The following BAZ1A variants were observed in gnomAD, a reference collection of about 807,000 sequenced individuals.
The protein encoded by BAZ1A is bromodomain adjacent to zinc finger domain 1A.
Under a neutral mutation model 185.2 loss-of-function variants are expected in BAZ1A, and 50 were observed. The ratio of observed to expected loss-of-function variants is 0.27; its 90% CI spans 0.22 to 0.34. The LOEUF is 0.34. Among genes scored for constraint, BAZ1A ranks in the 10% least tolerant of loss-of-function variants. BAZ1A has a pLI of 1.00. For synonymous variants in BAZ1A, 571 were observed against 615.6 expected, an observed-to-expected ratio of 0.93 and a Z score of 1.07; for missense variants, 1,356 against 1,839.9, an observed-to-expected ratio of 0.74 and a Z score of 4.81.
rs757341462 is a variant in BAZ1A, at chr14:34,826,081, C to A, written c.468G>T (p.Val156=). The change falls in exon 4 of 27, where the codon GTG becomes GTT. Residue 156 remains valine (V), a synonymous_variant. Coordinates refer to ENST00000360310, the MANE Select transcript of BAZ1A (RefSeq NM_013448.3). The part of the protein sequence containing the change: ...NGFANGHVNS[V]DGETIIISDS... Reference sequence around the variant, plus strand: ...CACTGATGATAATAGTTTCTCCATCCACACTGTTAACATGTCCATTAGCAA... The same window carrying A: ...CACTGATGATAATAGTTTCTCCATCAACACTGTTAACATGTCCATTAGCAA... The A allele has an allele frequency of 6.2e-7, 1 of 1,611,558 alleles. No homozygotes were observed.
intron 14 of BAZ1A, among the ~76,000 whole-genome samples, chr14:34,784,486 G>A (rs1275471690): frequency 2.0e-5 from 3 of 147,322 alleles, no homozygotes; most frequent in South Asian, 2.2e-4. Flanking sequence ...GAGAAATTTT[G>A]TAATTACAAA....
chr14:34,874,565 G>A lies in BAZ1A; in HGVS notation c.40C>T (p.Pro14Ser), dbSNP rs201149793. ...TCGTCGGGCCGCAGGTCCGCGGGCGGCTTCTGTCTCACAAACGGCTTTCGG... is the reference window on the plus strand; with the variant it reads ...TCGTCGGGCCGCAGGTCCGCGGGCGACTTCTGTCTCACAAACGGCTTTCGG... ...LHRKPFVRQK[P>S]PADLRPDEEV... is the part of the protein sequence containing the mutation. Residue 14 changes from proline (P) to serine (S), a missense_variant, in exon 2 of 27, where the codon CCG becomes TCG. Physicochemically the swap from Pro to Ser is moderately conservative, Grantham distance 74. Transcript: ENST00000360310. This position sits in a 1 kb window ranked among gnomAD's most constrained non-coding sequence, Gnocchi z 4.7. 1 of 1,611,610 alleles carries A rather than the reference G, an allele frequency of 6.2e-7. No individual in the cohort carries two copies. Among genetic ancestry groups the A allele is most frequent in the Non-Finnish European group, 8.5e-7 (1 of 1,179,036 alleles).
At chr14:34,804,520 G>A (rs1329134882) in intron 6 of BAZ1A, among the ~76,000 whole-genome samples, 1 of 152,198 alleles carries the variant, frequency 6.6e-6, no homozygotes, top group Non-Finnish European at 1.5e-5. Context: ...TTTGTAGGTA[G>A]AGCACAGCTT....
chr14:34,773,815 T>A, intron 19 of BAZ1A, 89 bp from the exon 20 acceptor site: 1 of 1,269,948 alleles, frequency 7.9e-7, no homozygotes, highest in Non-Finnish European at 1.1e-6. Context: ...TAAAATCAAT[T>A]CATGGATATT....
At chr14:34,803,623 T>TGAGA (rs1289333177) in intron 6 of BAZ1A, among the ~76,000 whole-genome samples, 2 of 68,026 alleles carry the variant, frequency 2.9e-5, no homozygotes, top group Non-Finnish European at 5.5e-5. Context: ...ACAAATTTTG[T>TGAGA]GAGATTTTCT....
intron 2 of BAZ1A, among the ~76,000 whole-genome samples, chr14:34,865,068 G>A (rs531768887): frequency 9.2e-5 from 14 of 151,912 alleles, no homozygotes; most frequent in Non-Finnish European, 1.5e-4. Context: ...GAGCCACCAC[G>A]CCCAGCCAAT....
chr14:34,863,580 A>C (rs2138824307), intron 2 of BAZ1A, among the ~76,000 whole-genome samples: 1 of 152,292 alleles, frequency 6.6e-6, no homozygotes, highest in South Asian at 2.1e-4. Context: ...TGCTGGGATT[A>C]CAGGCGTGAG....
At chr14:34,780,453 A>C in intron 16 of BAZ1A, 143 bp from the exon 17 acceptor site, 1 of 726,866 alleles carries the variant, frequency 1.4e-6, no homozygotes, top group Non-Finnish European at 2.1e-6. Flanking sequence ...CTTGCAGAGA[A>C]AACAGATAAT....
At chr14:34,797,839 A>AAAGCAGGGCGGGCCG (rs899823517) in intron 9 of BAZ1A, among the ~76,000 whole-genome samples, 8 of 152,124 alleles carry the variant, frequency 5.3e-5, no homozygotes, top group South Asian at 2.1e-4. Flanking sequence ...AGGGCGAGCC[A>AAAGCAGGGCGGGCCG]AAGCAGGGCG....
intron 2 of BAZ1A, among the ~76,000 whole-genome samples, chr14:34,868,346 T>C (rs1459063716): frequency 6.6e-6 from 1 of 152,230 alleles, no homozygotes; most frequent in East Asian, 1.9e-4. Flanking sequence ...GAAAAGTTGC[T>C]GAGTTACAAG....
At chr14:34,789,422 TATC>T (rs779811875) in intron 12 of BAZ1A, among the ~76,000 whole-genome samples, 17 of 152,360 alleles carry the variant, frequency 1.1e-4, no homozygotes, top group Middle Eastern at 3.4e-3. Context: ...AAACTGTAAA[TATC>T]ATTCTAGGAT....
At chr14:34,830,567 G>A (rs549612447) in intron 3 of BAZ1A, among the ~76,000 whole-genome samples, 4 of 152,150 alleles carry the variant, frequency 2.6e-5, no homozygotes, top group African/African-American at 7.2e-5. Context: ...GGCAGTGACT[G>A]CTAATGGGCA....
intron 3 of BAZ1A, among the ~76,000 whole-genome samples, chr14:34,838,869 C>T (rs2042369862): frequency 1.3e-5 from 2 of 151,514 alleles, no homozygotes; most frequent in South Asian, 4.2e-4. Context: ...ACAGTAGTCG[C>T]AAAAAAGGTT....
In BAZ1A at chr14:34,794,660, C is replaced by T. The variant is rs556608457; in HGVS notation, c.1363+89G>A. ...CAGAGAGATCCCAACTCCAGTGCCC[C>T]CACAGAACTTTACAAGGTGGCTTGT... On this transcript the variant is annotated intron_variant, in intron 11 of 26. Coordinates refer to ENST00000360310, the MANE Select transcript of BAZ1A (RefSeq NM_013448.3). The T allele has an allele frequency of 1.2e-4, 158 of 1,358,960 alleles. 1 individual carries two copies. In the Middle Eastern group the frequency reaches 2.1e-3, roughly 18 times the overall value. The allele number at this position is 1,358,960 out of a possible 1,614,324, so 84.2% of individuals were successfully genotyped here.
At chr14:34,809,111 G>C (rs1486529249) in intron 5 of BAZ1A, among the ~76,000 whole-genome samples, 1 of 152,180 alleles carries the variant, frequency 6.6e-6, no homozygotes, top group Non-Finnish European at 1.5e-5. Context: ...ATCTGGAGAT[G>C]ATTTAAAGTA....
intron 21 of BAZ1A, among the ~76,000 whole-genome samples, chr14:34,766,826 A>C (rs1878876069): frequency 6.6e-6 from 1 of 152,252 alleles, no homozygotes; most frequent in African/African-American, 2.4e-5. Context: ...CAAAACCACA[A>C]GGCACATGTG....
At chr14:34,870,889 G>A (rs1398320820) in intron 2 of BAZ1A, among the ~76,000 whole-genome samples, 1 of 152,158 alleles carries the variant, frequency 6.6e-6, no homozygotes, top group Non-Finnish European at 1.5e-5. Context: ...GAGAGCAGAT[G>A]AACAATGAAA....
At position 34,791,799 on chromosome 14, in the gene BAZ1A, G is replaced by A. The variant is rs78370160; in HGVS notation, c.1510+976C>T. Reference sequence around the variant, plus strand: ...CAAAGCTCAAGGTATTATTCAGGAGGCCAAATCAATCTCTTATTAGAAATG... The same window carrying A: ...CAAAGCTCAAGGTATTATTCAGGAGACCAAATCAATCTCTTATTAGAAATG... On this transcript the variant is annotated intron_variant, in intron 12 of 26. Transcript: ENST00000360310. 6.2e-3 allele frequency among the ~76,000 whole-genome samples: 938 copies of A among 152,296 alleles called. 17 individuals are homozygous for A. Among genetic ancestry groups the A allele is most frequent in the African/African-American group, 0.022 (906 of 41,564 alleles).
chr14:34,846,290 C>T (rs769507616), intron 3 of BAZ1A, among the ~76,000 whole-genome samples: 52 of 152,260 alleles, frequency 3.4e-4, no homozygotes, highest in Non-Finnish European at 6.3e-4. Flanking sequence ...CAGTAATGAC[C>T]GTAAGTCCTG....
Sources: allele counts gnomAD v4.1 joint callset (sites outside exome capture counted in the v4.1 genomes callset), GRCh38; gene constraint gnomAD v4.1.1; non-coding constraint Gnocchi (gnomAD v3.1); transcripts MANE v1.5; gene names NCBI Gene and HGNC (gene_info 2026-07-23, HGNC 2026-07-21).